Variants in NFIX observed in about 807,000 individuals in gnomAD.
NFIX encodes nuclear factor 1 X-type.
NFIX carries 2 observed loss-of-function variants against 53.3 expected under a neutral mutation model. The ratio of observed to expected loss-of-function variants is 0.04; its 90% CI spans 0.02 to 0.12. The LOEUF (loss-of-function observed/expected upper bound fraction) is 0.12, where lower values mean the gene tolerates loss of function less well. NFIX is among the 10% of genes least tolerant of loss of function. NFIX has a pLI of 1.00. For missense variants in NFIX, 310 were observed against 674.5 expected, an observed-to-expected ratio of 0.46 and a Z score of 5.99; for synonymous variants, 244 against 289.0, an observed-to-expected ratio of 0.84 and a Z score of 1.58.
At chr19:13,054,525 C>A (rs2015528767) in intron 2 of NFIX, among the ~76,000 whole-genome samples, 1 of 152,102 alleles carries the variant, frequency 6.6e-6, no homozygotes, top group Non-Finnish European at 1.5e-5. Flanking sequence ...TCCCTGCACT[C>A]CTGTGGGTGC....
At position 13,005,728 on chromosome 19, in the gene NFIX, A is replaced by G. The variant is rs916057650; in HGVS notation, c.27+9864A>G. ...GTTCTCTGGCCTTTCCCAAATTTCAAAATGGGTCTGCACACCCCCACGCCC... is the reference window on the plus strand; with the variant it reads ...GTTCTCTGGCCTTTCCCAAATTTCAGAATGGGTCTGCACACCCCCACGCCC... On this transcript the variant is annotated intron_variant, in intron 1 of 10. Transcript: ENST00000592199. This position sits in a 1 kb window ranked among gnomAD's most constrained non-coding sequence, Gnocchi z 4.7. Among the ~76,000 whole-genome samples the G allele has an allele frequency of 4.6e-5, 7 of 152,078 alleles. 1 individual carries two copies. Among genetic ancestry groups the G allele is most frequent in the African/African-American group, 1.7e-4 (7 of 41,388 alleles).
chr19:13,005,006 AG>A lies in NFIX; in HGVS notation c.27+9145del, dbSNP rs1487552092. The stretch of plus-strand genomic sequence containing the variant: ...TAATTTTTGTATTTTTAGTAGAGAC[AG>A]GGTTTCTCCATGTTGGCCAGACTGG... On this transcript the variant is annotated intron_variant, in intron 1 of 10. Transcript: ENST00000592199. The surrounding 1 kb of genome is among the most constrained non-coding windows in gnomAD (Gnocchi z 4.7). Among the ~76,000 whole-genome samples, 11 of 151,998 alleles carry A rather than the reference AG, an allele frequency of 7.2e-5. No homozygotes were observed. Among genetic ancestry groups the A allele is most frequent in the Non-Finnish European group, 1.5e-4 (10 of 67,970 alleles).
chr19:13,095,206 T>TCC lies in NFIX; in HGVS notation c.*558_*559insCC, dbSNP rs2018368425. 6.4e-5 allele frequency: 2 copies of TCC among 31,028 alleles called. No homozygotes were observed. The highest frequency in any genetic ancestry group is 2.5e-4 in the African/African-American group (2 of 7,924). 1.9% of individuals were successfully genotyped at this position (31,028 alleles called of 1,614,324 possible). On this transcript the variant is annotated 3_prime_UTR_variant, in exon 11 of 11. Coordinates refer to ENST00000592199, the MANE Select transcript of NFIX (RefSeq NM_001365902.3). ...TTCCCTCCCTCCCTCCCTCCCTCCCTCTCTGCCAAGGCTCCAGCTTCTTCC... is the reference window on the plus strand; with the variant it reads ...TTCCCTCCCTCCCTCCCTCCCTCCCTCCCTCTGCCAAGGCTCCAGCTTCTTCC...
chr19:13,073,173 C>A lies in NFIX; in HGVS notation c.622+64C>A. 2 of 1,445,844 alleles carry A rather than the reference C, an allele frequency of 1.4e-6. No individual in the cohort carries two copies. The highest frequency in any genetic ancestry group is 1.9e-6 in the Non-Finnish European group (2 of 1,026,620). The allele number at this position is 1,445,844 out of a possible 1,614,324, so 89.6% of individuals were successfully genotyped here. On this transcript the variant is annotated intron_variant, in intron 3 of 10. Transcript: ENST00000592199. This position sits in a 1 kb window ranked among gnomAD's most constrained non-coding sequence, Gnocchi z 4.5. ...ATGCCCCTCCACTTCCTTCCCCCAC[C>A]CTGGCTGCCCTGGCCACCCTCACTT...
rs1290103548 is a variant in NFIX at position 13,093,984 on chromosome 19, A to C, written c.1495-651A>C. ...GCCCCCTGCTGGCGATATGAAGGAA[A>C]TGACGCTCACCCCAGGGAGCCTCAA... On this transcript the variant is annotated intron_variant, in intron 10 of 10. Coordinates refer to ENST00000592199, the MANE Select transcript of NFIX (RefSeq NM_001365902.3). This position sits in a 1 kb window ranked among gnomAD's most constrained non-coding sequence, Gnocchi z 4.7. Among the ~76,000 whole-genome samples the C allele has an allele frequency of 6.6e-6, 1 of 152,098 alleles. No individual in the cohort carries two copies. Among genetic ancestry groups the C allele is most frequent in the Non-Finnish European group, 1.5e-5 (1 of 68,000 alleles).
At chr19:13,079,234 CTT>C (rs2017307999) in intron 7 of NFIX, among the ~76,000 whole-genome samples, 1 of 152,106 alleles carries the variant, frequency 6.6e-6, no homozygotes, top group East Asian at 1.9e-4. Context: ...AAGTAGCTAC[CTT>C]GTCTGGGCCT....
intron 2 of NFIX, among the ~76,000 whole-genome samples, chr19:13,030,970 C>T (rs938381408): frequency 4.6e-5 from 7 of 152,210 alleles, no homozygotes; most frequent in East Asian, 1.9e-4. Context: ...TTTGGACATT[C>T]GTGTCTGTTA....
chr19:13,084,435 C>CT (rs754198085), intron 8 of NFIX, among the ~76,000 whole-genome samples: 6 of 152,080 alleles, frequency 3.9e-5, no homozygotes, highest in Admixed American at 1.3e-4. Flanking sequence ...CAGAGTGAGA[C>CT]TCTGTGTACA....
rs752259614 is a variant in NFIX at position 13,089,299 on chromosome 19, G to A, written c.1403-1000G>A. On this transcript the variant is annotated intron_variant, in intron 9 of 10. Coordinates refer to ENST00000592199, the MANE Select transcript of NFIX (RefSeq NM_001365902.3). The surrounding 1 kb of genome is among the most constrained non-coding windows in gnomAD (Gnocchi z 4.8). Reference sequence around the variant, plus strand: ...GTGTGTCTGGTGCAGGGCAGCGGCGGGCCTTCCAGGTAACCTGTGACACTC... The same window carrying A: ...GTGTGTCTGGTGCAGGGCAGCGGCGAGCCTTCCAGGTAACCTGTGACACTC... 7.9e-5 allele frequency among the ~76,000 whole-genome samples: 12 copies of A among 152,122 alleles called. No individual in the cohort carries two copies. Among genetic ancestry groups the A allele is most frequent in the Non-Finnish European group, 1.3e-4 (9 of 68,000 alleles).
At chr19:13,079,333 C>T (rs970782893) in intron 7 of NFIX, among the ~76,000 whole-genome samples, 2 of 152,334 alleles carry the variant, frequency 1.3e-5, no homozygotes, top group Non-Finnish European at 2.9e-5. Flanking sequence ...TGCCCACTGC[C>T]GTGGGGCTGC....
chr19:13,082,678 C>G (rs924622140), intron 8 of NFIX: 1 of 152,422 alleles, frequency 6.6e-6, no homozygotes, highest in Non-Finnish European at 1.5e-5. Flanking sequence ...GATGACCCTT[C>G]AGTGGGACAA....
intron 2 of NFIX, among the ~76,000 whole-genome samples, chr19:13,034,462 T>G (rs1366149607): frequency 2.0e-5 from 3 of 152,146 alleles, no homozygotes; most frequent in Non-Finnish European, 4.4e-5. Context: ...CAGCTCTGCT[T>G]CTTTTCATAT....
chr19:13,042,971 C>G (rs1450382135), intron 2 of NFIX, among the ~76,000 whole-genome samples: 2 of 152,200 alleles, frequency 1.3e-5, no homozygotes, highest in Admixed American at 1.3e-4. Context: ...CTCACTCTGT[C>G]CCTGTACCCT....
In NFIX at chr19:12,996,429, C is replaced by A. The variant is rs1322194186; in HGVS notation, c.27+565C>A. Among the ~76,000 whole-genome samples, 1 of 150,776 alleles carries A rather than the reference C, an allele frequency of 6.6e-6. No homozygotes were observed. The highest frequency in any genetic ancestry group is 1.5e-5 in the Non-Finnish European group (1 of 67,734). On this transcript the variant is annotated intron_variant, in intron 1 of 10. Transcript: ENST00000592199. This position sits in a 1 kb window ranked among gnomAD's most constrained non-coding sequence, Gnocchi z 5.2. The stretch of plus-strand genomic sequence containing the variant: ...GCCGGGGTGCCTGGGGTGGGCCGAG[C>A]GGCCCGGGCGTCTCCCCAAAGTCTT...
rs939521897 is a variant in NFIX, at chr19:13,001,111, A to AG, written c.27+5253dup. The stretch of plus-strand genomic sequence containing the variant: ...CCTCCCAGCTGGGGTGGGGAAAAGG[A>AG]GGGGGGTGTCTTAATTTTCTTGCCC... On this transcript the variant is annotated intron_variant, in intron 1 of 10. Transcript: ENST00000592199. The surrounding 1 kb of genome is among the most constrained non-coding windows in gnomAD (Gnocchi z 6.5). Among the ~76,000 whole-genome samples the AG allele has an allele frequency of 3.3e-5, 5 of 151,838 alleles. No homozygotes were observed. Among genetic ancestry groups the AG allele is most frequent in the Admixed American group, 6.6e-5 (1 of 15,262 alleles).
chr19:13,025,350 C>T lies in NFIX; in HGVS notation c.357C>T (p.Cys119=), dbSNP rs1599738438. Residue 119 remains cysteine, a synonymous_variant, in exon 2 of 11, where the codon TGC becomes TGT. Transcript: ENST00000592199. This position sits in a 1 kb window ranked among gnomAD's most constrained non-coding sequence, Gnocchi z 7.5. The part of the protein sequence containing the change: ...DQKGKIRRID[C]LRQADKVWRL... ...AGGGCAAGATCCGGCGGATTGACTGCCTGCGCCAGGCTGACAAGGTGTGGC... is the reference window on the plus strand; with the variant it reads ...AGGGCAAGATCCGGCGGATTGACTGTCTGCGCCAGGCTGACAAGGTGTGGC... The T allele has an allele frequency of 6.2e-6, 10 of 1,614,128 alleles. No homozygotes were observed. The highest frequency in any genetic ancestry group is 8.5e-6 in the Non-Finnish European group (10 of 1,179,958).
chr19:13,042,949 G>A (rs900481603), intron 2 of NFIX, among the ~76,000 whole-genome samples: 10 of 152,120 alleles, frequency 6.6e-5, no homozygotes, highest in Non-Finnish European at 1.0e-4. Context: ...CAGGCAGCAC[G>A]CAAGGATCCA....
Position 12,998,552 on chromosome 19 carries a change from A to G in NFIX, c.27+2688A>G, listed in dbSNP as rs2145124474. 6.6e-6 allele frequency among the ~76,000 whole-genome samples: 1 copy of G among 152,006 alleles called. No homozygotes were observed. The highest frequency in any genetic ancestry group is 2.4e-5 in the African/African-American group (1 of 41,450). Reference sequence around the variant, plus strand: ...AGCTGCTGGAGTCCATTGTAGCCACAGTCCTGAGTCTCAGGCGGAGAGAGG... The same window carrying G: ...AGCTGCTGGAGTCCATTGTAGCCACGGTCCTGAGTCTCAGGCGGAGAGAGG... On this transcript the variant is annotated intron_variant, in intron 1 of 10. Transcript: ENST00000592199. This position sits in a 1 kb window ranked among gnomAD's most constrained non-coding sequence, Gnocchi z 4.4.
chr19:13,083,119 C>T (rs1462965388), intron 8 of NFIX, among the ~76,000 whole-genome samples: 1 of 152,224 alleles, frequency 6.6e-6, no homozygotes, highest in East Asian at 1.9e-4. Flanking sequence ...AGCTCCTTAG[C>T]ATACTGGTAG....
Sources: allele counts gnomAD v4.1 joint callset (sites outside exome capture counted in the v4.1 genomes callset), GRCh38; gene constraint gnomAD v4.1.1; non-coding constraint Gnocchi (gnomAD v3.1); transcripts MANE v1.5; gene names NCBI Gene and HGNC (gene_info 2026-07-23, HGNC 2026-07-21).